The following NCKAP5 variants were observed in gnomAD, a reference collection of about 807,000 sequenced individuals.
The protein encoded by NCKAP5 is NCK associated protein 5, also known as nck-associated protein 5.
A neutral mutation model predicts 167.0 loss-of-function variants in NCKAP5; 92 were observed. The observed-to-expected ratio is 0.55, with a 90% CI of 0.47 to 0.66. The LOEUF is 0.66. Ranked by LOEUF, NCKAP5 falls within the 30% of genes least tolerant of loss-of-function variation. The pLI, the probability that NCKAP5 is intolerant of heterozygous loss-of-function variation, is 0.00. For synonymous variants in NCKAP5, 891 were observed against 877.4 expected (o/e 1.02, Z -0.27); for missense variants, 2,378 against 2,315.0 (o/e 1.03, Z -0.56).
At chr2:133,311,740 T>C (rs1022118396) in intron 3 of NCKAP5, among the ~76,000 whole-genome samples, 3 of 152,162 alleles carry the variant, frequency 2.0e-5, no homozygotes, top group African/African-American at 7.2e-5. Flanking sequence ...AGGATCTCTG[T>C]GTCAGAAACC....
At chr2:133,470,189 G>A (rs924206926) in intron 3 of NCKAP5, among the ~76,000 whole-genome samples, 5 of 152,144 alleles carry the variant, frequency 3.3e-5, no homozygotes, top group African/African-American at 7.2e-5. Context: ...ATGGGTTTTC[G>A]ATGTGGATGT....
At chr2:132,723,140 A>ATTTTT (rs869234028) in intron 19 of NCKAP5, among the ~76,000 whole-genome samples, 5 of 93,436 alleles carry the variant, frequency 5.4e-5, no homozygotes, top group East Asian at 3.3e-4. Context: ...GCCAGGTGGT[A>ATTTTT]TTTTTTTTTT....
At chr2:132,897,964 TA>T (rs1402190569) in intron 8 of NCKAP5, among the ~76,000 whole-genome samples, 4 of 152,204 alleles carry the variant, frequency 2.6e-5, no homozygotes, top group African/African-American at 4.8e-5. Flanking sequence ...CGTAATTCCT[TA>T]AAACAAGACA....
chr2:133,347,054 C>A (rs1378099458), intron 3 of NCKAP5, among the ~76,000 whole-genome samples: 3 of 152,192 alleles, frequency 2.0e-5, no homozygotes, highest in Non-Finnish European at 4.4e-5. Context: ...TATAAAACAA[C>A]CTTACTCCCT....
At chr2:133,673,648 G>C in the NCKAP5 span, among the ~76,000 whole-genome samples, 1 of 152,160 alleles carries the variant, frequency 6.6e-6, no homozygotes, top group South Asian at 2.1e-4. Flanking sequence ...CTTTGCTGTT[G>C]CAAGTTTCCT....
At chr2:133,269,090 C>T (rs139007532) in intron 4 of NCKAP5, 3 of 152,208 alleles carry the variant, frequency 2.0e-5, no homozygotes, top group African/African-American at 4.8e-5. Flanking sequence ...AGTTGCATCA[C>T]AGCTAACTTA....
intron 2 of NCKAP5, among the ~76,000 whole-genome samples, chr2:133,549,409 T>G (rs1687069135): frequency 7.8e-6 from 1 of 128,470 alleles, no homozygotes; most frequent in African/African-American, 3.0e-5. Flanking sequence ...CAGACCACAG[T>G]GCAATCAAAC....
chr2:132,689,530 C>T (rs1373234821), intron 19 of NCKAP5, among the ~76,000 whole-genome samples: 1 of 152,154 alleles, frequency 6.6e-6, no homozygotes, highest in African/African-American at 2.4e-5. Context: ...TGAGGCTTGG[C>T]TCACACTGCC....
At chr2:132,703,022 A>T (rs993395066) in intron 19 of NCKAP5, among the ~76,000 whole-genome samples, 20 of 152,086 alleles carry the variant, frequency 1.3e-4, no homozygotes, top group Non-Finnish European at 2.8e-4. Context: ...CTACAAAAAA[A>T]TTTTAAAAAT....
chr2:132,928,682 C>T (rs897718132), intron 8 of NCKAP5, among the ~76,000 whole-genome samples: 1 of 152,062 alleles, frequency 6.6e-6, no homozygotes. Context: ...GGCTTATACA[C>T]GAATTTGAAC....
intron 4 of NCKAP5, among the ~76,000 whole-genome samples, chr2:133,295,193 C>T (rs1002172244): frequency 3.3e-5 from 5 of 152,116 alleles, no homozygotes; most frequent in Non-Finnish European, 7.3e-5. Flanking sequence ...CTTAAGTCAC[C>T]CAGCCCAGTA....
intron 4 of NCKAP5, among the ~76,000 whole-genome samples, chr2:133,299,955 G>A (rs112708580): frequency 8.8e-4 from 132 of 150,528 alleles, no homozygotes; most frequent in Non-Finnish European, 1.5e-3. Context: ...TATCACCACC[G>A]ATCCCACAGA....
intron 10 of NCKAP5, among the ~76,000 whole-genome samples, chr2:132,861,350 T>C (rs1024134611): frequency 1.3e-5 from 2 of 152,152 alleles, no homozygotes; most frequent in Non-Finnish European, 2.9e-5. Flanking sequence ...CCAAACTGAC[T>C]GCAATAAAGG....
intron 16 of NCKAP5, among the ~76,000 whole-genome samples, chr2:132,755,609 T>C (rs1298980196): frequency 1.3e-5 from 2 of 152,070 alleles, no homozygotes; most frequent in South Asian, 4.2e-4. Context: ...GGCGGGCAGA[T>C]CATGAGGTCA....
chr2:132,841,627 C>T (rs1688301680), intron 11 of NCKAP5, among the ~76,000 whole-genome samples: 1 of 147,780 alleles, frequency 6.8e-6, no homozygotes, highest in African/African-American at 2.4e-5. Flanking sequence ...TGTTTGCCAG[C>T]ACATTTGCTG....
At chr2:133,221,465 T>C (rs1176817049) in intron 4 of NCKAP5, among the ~76,000 whole-genome samples, 1 of 152,252 alleles carries the variant, frequency 6.6e-6, no homozygotes, top group Non-Finnish European at 1.5e-5. Flanking sequence ...TTTTTATGCA[T>C]TCAGCAAACA....
chr2:133,282,362 T>G (rs2089965430), intron 4 of NCKAP5, among the ~76,000 whole-genome samples: 2 of 152,148 alleles, frequency 1.3e-5, no homozygotes, highest in South Asian at 4.1e-4. Context: ...CCAGTAGGGA[T>G]GCCTACAACA....
At chr2:133,330,082 T>C (rs887662535) in intron 3 of NCKAP5, among the ~76,000 whole-genome samples, 34 of 136,752 alleles carry the variant, frequency 2.5e-4, no homozygotes, top group African/African-American at 8.3e-4. Context: ...TTTTTTTTTT[T>C]CTGAGACAGG....
chr2:132,865,350 C>T (rs112771523), intron 10 of NCKAP5, among the ~76,000 whole-genome samples: 274 of 152,200 alleles, frequency 1.8e-3, no homozygotes, highest in African/African-American at 6.4e-3. Flanking sequence ...AAACAGTTCA[C>T]GTAACTACAG....
Sources: gnomAD v4.1 joint callset for allele counts (sites outside exome capture counted in the v4.1 genomes callset) on GRCh38, gnomAD v4.1.1 for gene constraint, MANE v1.5 for transcripts, NCBI Gene and HGNC (gene_info 2026-07-23, HGNC 2026-07-21) for gene names.